KIR2DL3: variants seen among roughly 807,000 people sequenced by gnomAD.
The protein encoded by KIR2DL3 is killer cell immunoglobulin like receptor, two Ig domains and long cytoplasmic tail 3, also known as killer cell immunoglobulin-like receptor 2DL3.
In KIR2DL3, 39 loss-of-function variants were observed where a neutral mutation model predicts 33.8. The ratio of observed to expected loss-of-function variants is 1.15; its 90% CI spans 0.89 to 1.51. The LOEUF is 1.51. Ranked by LOEUF, KIR2DL3 falls within the 40% of genes most tolerant of loss-of-function variation. The probability of loss-of-function intolerance (pLI) is 0.00; values close to 1 mark genes in which losing one functional copy is unlikely to be tolerated. For synonymous variants in KIR2DL3, 174 were observed against 160.2 expected, an observed-to-expected ratio of 1.09 and a Z score of -0.65; for missense variants, 462 against 426.2, an observed-to-expected ratio of 1.08 and a Z score of -0.74.
At chr19:54,743,608 G>A (rs1281597172) in intron 3 of KIR2DL3, among the ~76,000 whole-genome samples, 187 bp from the exon 4 acceptor site, 1 of 152,018 alleles carries the variant, frequency 6.6e-6, no homozygotes, top group Non-Finnish European at 1.5e-5. Context: ...GGGAAGCGAG[G>A]TCAGAGACCT....
chr19:54,739,701 C>T (rs576365666), intron 2 of KIR2DL3, among the ~76,000 whole-genome samples, 159 bp downstream of exon 2: 9 of 149,768 alleles, frequency 6.0e-5, no homozygotes, highest in East Asian at 3.9e-4. Flanking sequence ...GGCCTCTCAA[C>T]CCCTTGGCAG....
intron 5 of KIR2DL3, among the ~76,000 whole-genome samples, chr19:54,749,963 A>G (rs1468847237): frequency 3.3e-5 from 4 of 122,956 alleles, no homozygotes; most frequent in Non-Finnish European, 6.9e-5. Context: ...AGGCACCTGA[A>G]TTCCAATCAT....
intron 3 of KIR2DL3, among the ~76,000 whole-genome samples, chr19:54,742,692 G>A (rs1323320946): frequency 6.6e-6 from 1 of 150,472 alleles, no homozygotes; most frequent in African/African-American, 2.4e-5. Context: ...GTGGCCTCAG[G>A]CCTTGTGGCA....
chr19:54,744,232 G>T, intron 4 of KIR2DL3, 144 bp downstream of exon 4: 2 of 1,324,174 alleles, frequency 1.5e-6, no homozygotes, highest in South Asian at 2.6e-5. Context: ...GCACAGGATG[G>T]CAGACAGGGC....
intron 2 of KIR2DL3, among the ~76,000 whole-genome samples, chr19:54,739,818 A>T (rs1362758866): frequency 2.6e-5 from 4 of 152,158 alleles, no homozygotes; most frequent in Non-Finnish European, 5.9e-5. Flanking sequence ...GGTGTTACTC[A>T]CACACTTCAG....
chr19:54,738,651 C>A, intron 1 of KIR2DL3, 72 bp downstream of exon 1: 15 of 1,607,998 alleles, frequency 9.3e-6, no homozygotes, highest in Non-Finnish European at 1.3e-5. Context: ...GAGATATAGG[C>A]CTGGAAGTGG....
Position 54,738,537 on chromosome 19 carries a change from G to T in KIR2DL3, c.-9G>T, listed in dbSNP as rs1449630991. ...TGGGGCGCGGCCGCCTGTCTGCACA[G>T]ACAGCACCATGTCGCTCATGGTCGT... is the stretch of plus-strand genomic sequence containing the variant. On this transcript the variant is annotated 5_prime_UTR_variant, in exon 1 of 8. Coordinates refer to ENST00000342376, the MANE Select transcript of KIR2DL3 (RefSeq NM_015868.3). 8 of 1,614,054 alleles carry T rather than the reference G, an allele frequency of 5.0e-6. No homozygotes were observed. In the African/African-American group the frequency reaches 9.3e-5, roughly 19 times the overall value.
At chr19:54,744,954 A>ATATATATT (rs1398407460) in intron 4 of KIR2DL3, among the ~76,000 whole-genome samples, 23 of 31,262 alleles carry the variant, frequency 7.4e-4, no homozygotes, top group Non-Finnish European at 1.0e-3. Context: ...ATATATATAT[A>ATATATATT]TTTTTTTTTT....
rs765522197 is a variant in KIR2DL3, at chr19:54,751,749, A to G, written c.816A>G (p.Lys272=). The change falls in exon 6 of 8, where the codon AAA becomes AAG. Residue 272 remains lysine, a synonymous_variant. Transcript: ENST00000342376. ...FFLLHRWCCN[K]KNAVVMDQEP... ...TCCTTCATCGCTGGTGCTGCAACAA[A>G]AAAAGTAAGTCTCACGAAGCAGAGG... 66 of 1,465,226 alleles carry G rather than the reference A, an allele frequency of 4.5e-5. 14 individuals are homozygous for G. Among genetic ancestry groups the G allele is most frequent in the East Asian group, 2.9e-4 (13 of 44,246 alleles). The allele number at this position is 1,465,226 out of a possible 1,614,324, so 90.8% of individuals were successfully genotyped here. A position where few individuals can be genotyped will look rare whatever the true frequency, so the allele number is the denominator to read the frequency against.
At position 54,751,242 on chromosome 19, in the gene KIR2DL3, C is replaced by T. The variant is rs191212681; in HGVS notation, c.716-407C>T. 9.8e-3 allele frequency among the ~76,000 whole-genome samples: 1,131 copies of T among 115,658 alleles called. 15 individuals are homozygous for T. Among genetic ancestry groups the T allele is most frequent in the South Asian group, 0.023 (64 of 2,828 alleles). 75.9% of individuals were successfully genotyped at this position (115,658 alleles called of 152,430 possible). ...GAGAGGGAGCAAGGGGGAGGGGGAG[C>T]GATGGAGCTTCCAAGCTCTTTTGAA... On this transcript the variant is annotated intron_variant, in intron 5 of 7. Coordinates refer to ENST00000342376, the MANE Select transcript of KIR2DL3 (RefSeq NM_015868.3).
At chr19:54,744,946 ATATATATATTTT>A (rs1263094965) in intron 4 of KIR2DL3, among the ~76,000 whole-genome samples, 3 of 26,204 alleles carry the variant, frequency 1.1e-4, no homozygotes, top group African/African-American at 4.0e-4. Flanking sequence ...ATATATATAT[ATATATATATTTT>A]TTTTTTTTTT....
At chr19:54,747,239 T>A (rs1238023277) in intron 4 of KIR2DL3, 96 bp from the exon 5 acceptor site, 9 of 1,488,474 alleles carry the variant, frequency 6.0e-6, no homozygotes, top group East Asian at 4.5e-5. Context: ...CAATATTAGA[T>A]AACAGAGTGT....
At chr19:54,740,182 G>T (rs548167283) in intron 2 of KIR2DL3, among the ~76,000 whole-genome samples, 4 of 152,164 alleles carry the variant, frequency 2.6e-5, no homozygotes, top group Admixed American at 6.5e-5. Context: ...CCATAGAAAC[G>T]TGGAAAGCGA....
chr19:54,738,647 T>C (rs934224990), intron 1 of KIR2DL3, 68 bp downstream of exon 1: 9 of 1,610,708 alleles, frequency 5.6e-6, no homozygotes, highest in Admixed American at 5.0e-5. Context: ...GTTGGAGATA[T>C]AGGCCTGGAA....
intron 3 of KIR2DL3, among the ~76,000 whole-genome samples, chr19:54,742,963 A>T (rs371252024): frequency 0.025 from 3,237 of 128,914 alleles, no homozygotes; most frequent in South Asian, 0.037. Context: ...AGAGACTCAC[A>T]GACACATAAA....
At chr19:54,739,767 G>C (rs1176836839) in intron 2 of KIR2DL3, among the ~76,000 whole-genome samples, 4 of 151,130 alleles carry the variant, frequency 2.6e-5, no homozygotes, top group Non-Finnish European at 5.9e-5. Context: ...TGGGGTGTGT[G>C]GTTGGGAAGT....
chr19:54,740,875 G>C (rs1210366616), intron 2 of KIR2DL3, among the ~76,000 whole-genome samples: 3 of 151,956 alleles, frequency 2.0e-5, no homozygotes, highest in Non-Finnish European at 2.9e-5. Context: ...AGGAAGAGGG[G>C]AGTGGGGATT....
At chr19:54,742,835 G>A (rs1214995594) in intron 3 of KIR2DL3, among the ~76,000 whole-genome samples, 2 of 150,922 alleles carry the variant, frequency 1.3e-5, no homozygotes, top group Non-Finnish European at 2.9e-5. Flanking sequence ...GGATTCTGTG[G>A]CTCACATTCC....
At chr19:54,749,252 T>C (rs1215928214) in intron 5 of KIR2DL3, among the ~76,000 whole-genome samples, 217 of 140,918 alleles carry the variant, frequency 1.5e-3, no homozygotes, top group Middle Eastern at 3.6e-3. Flanking sequence ...AGCCATTGGA[T>C]TCACCTCGGG....
Sources: gnomAD v4.1 joint callset for allele counts (sites outside exome capture counted in the v4.1 genomes callset) on GRCh38, gnomAD v4.1.1 for gene constraint, MANE v1.5 for transcripts, NCBI Gene and HGNC (gene_info 2026-07-23, HGNC 2026-07-21) for gene names.